The following IQGAP2 variants were observed in gnomAD, a reference collection of about 807,000 sequenced individuals.
IQGAP2 encodes the protein ras GTPase-activating-like protein IQGAP2.
Under a neutral mutation model 201.3 loss-of-function variants are expected in IQGAP2, and 173 were observed. The observed-to-expected ratio is 0.86, with a 90% CI of 0.76 to 0.98. The LOEUF (loss-of-function observed/expected upper bound fraction) is 0.98, where lower values mean the gene tolerates loss of function less well. IQGAP2 is among the 50% of genes least tolerant of loss of function. The pLI is 0.00. For synonymous variants in IQGAP2, 675 were observed against 673.9 expected (o/e 1.00, Z -0.03); for missense variants, 1,687 against 1,864.8 (o/e 0.90, Z 1.76).
At position 76,677,429 on chromosome 5, in the gene IQGAP2, C is replaced by T. The variant is rs1260350220; in HGVS notation, c.3660+79C>T. ...TTATCTTGAAAATGCTTAATCTCTA[C>T]AGGACTTATTGTACACATGTGCTAA... On this transcript the variant is annotated intron_variant, in intron 28 of 35. Coordinates refer to ENST00000274364, the MANE Select transcript of IQGAP2 (RefSeq NM_006633.5). The T allele has an allele frequency of 4.4e-6, 6 of 1,372,910 alleles. No homozygotes were observed. In the Admixed American group the frequency reaches 9.7e-5, roughly 22 times the overall value. 85.0% of individuals were successfully genotyped at this position (1,372,910 alleles called of 1,614,324 possible). A position where few individuals can be genotyped will look rare whatever the true frequency, so the allele number is the denominator to read the frequency against.
rs1277944586 is a variant in IQGAP2 at position 76,597,553 on chromosome 5, C to T, written c.1022C>T (p.Ala341Val). ...CTGCCTGCTGTTTATCCCTTTGCTGCTGCCATGTATCAGAACGAACTTTTC... is the reference window on the plus strand; with the variant it reads ...CTGCCTGCTGTTTATCCCTTTGCTGTTGCCATGTATCAGAACGAACTTTTC... ...AQLPAVYPFA[A>V]AMYQNELFNL... Residue 341 changes from alanine (A) to valine (V), a missense_variant, in exon 10 of 36, where the codon GCT becomes GTT. Ala to Val is a moderately conservative substitution (Grantham distance 64, BLOSUM62 0). Transcript: ENST00000274364. 8.1e-6 allele frequency: 13 copies of T among 1,613,824 alleles called. No homozygotes were observed. The highest frequency in any genetic ancestry group is 1.1e-5 in the Non-Finnish European group (13 of 1,179,970).
At chr5:76,636,137 C>G (rs1469250202) in intron 15 of IQGAP2, among the ~76,000 whole-genome samples, 1 of 152,194 alleles carries the variant, frequency 6.6e-6, no homozygotes, top group Admixed American at 6.5e-5. Flanking sequence ...TTTCAATATT[C>G]TGTGAAAAAA....
intron 13 of IQGAP2, chr5:76,617,569 T>G: frequency 6.3e-7 from 1 of 1,591,608 alleles, no homozygotes; most frequent in Non-Finnish European, 8.6e-7. Context: ...CCTTGTTCTC[T>G]AAGATCATTT....
chr5:76,608,400 G>C (rs1237281691), intron 12 of IQGAP2, among the ~76,000 whole-genome samples: 5 of 152,118 alleles, frequency 3.3e-5, no homozygotes, highest in African/African-American at 1.2e-4. Context: ...TCTTTTGTCA[G>C]AATGAGTTCC....
chr5:76,589,298 C>G (rs1440188780), intron 6 of IQGAP2, among the ~76,000 whole-genome samples: 1 of 131,728 alleles, frequency 7.6e-6, no homozygotes, highest in Admixed American at 8.4e-5. Context: ...GACGACAGAG[C>G]GAGACTCTGC....
chr5:76,403,495 G>C lies in IQGAP2; in HGVS notation c.-51G>C, dbSNP rs1394306888. The C allele has an allele frequency of 7.2e-7, 1 of 1,397,836 alleles. No individual in the cohort carries two copies. Among genetic ancestry groups the C allele is most frequent in the African/African-American group, 1.5e-5 (1 of 65,272 alleles). The allele number at this position is 1,397,836 out of a possible 1,614,324, so 86.6% of individuals were successfully genotyped here. A position where few individuals can be genotyped will look rare whatever the true frequency, so the allele number is the denominator to read the frequency against. Reference sequence around the variant, plus strand: ...CGCAGAGCCCGCGAGCCTGGCCAGCGAGGGTAGCCGCGGGGGGCGCGCCCC... The same window carrying C: ...CGCAGAGCCCGCGAGCCTGGCCAGCCAGGGTAGCCGCGGGGGGCGCGCCCC... On this transcript the variant is annotated 5_prime_UTR_variant, in exon 1 of 36. Transcript: ENST00000274364. The surrounding 1 kb of genome is among the most constrained non-coding windows in gnomAD (Gnocchi z 4.8).
intron 8 of IQGAP2, among the ~76,000 whole-genome samples, chr5:76,591,955 C>A (rs943627900): frequency 1.2e-4 from 18 of 152,184 alleles, no homozygotes; most frequent in Admixed American, 1.2e-3. Context: ...GTGTCCCATG[C>A]ATTGCTAGAT....
chr5:76,609,266 A>G, intron 12 of IQGAP2: 3 of 1,533,108 alleles, frequency 2.0e-6, no homozygotes, highest in South Asian at 1.2e-5. Context: ...GGGTGACCAG[A>G]GAATGGCACT....
chr5:76,686,858 G>C (rs980076238), intron 30 of IQGAP2, among the ~76,000 whole-genome samples: 1 of 152,146 alleles, frequency 6.6e-6, no homozygotes, highest in Non-Finnish European at 1.5e-5. Flanking sequence ...AGCACTATTA[G>C]TTAAACAGAC....
chr5:76,427,780 C>G (rs758278920), intron 1 of IQGAP2, among the ~76,000 whole-genome samples: 16 of 152,174 alleles, frequency 1.1e-4, no homozygotes, highest in Non-Finnish European at 5.9e-5. Context: ...CTGCTACGGA[C>G]CAGTTCTTGA....
At chr5:76,608,030 G>C (rs189050114) in intron 12 of IQGAP2, 5 of 152,348 alleles carry the variant, frequency 3.3e-5, no homozygotes, top group African/African-American at 1.2e-4. Flanking sequence ...TTAACAGGGG[G>C]AAAATGCCAG....
chr5:76,586,170 A>G (rs139794471), intron 5 of IQGAP2, among the ~76,000 whole-genome samples: 1,554 of 152,302 alleles, frequency 0.01, 13 homozygotes, highest in Admixed American at 0.02. Flanking sequence ...GATAATGTCT[A>G]AAGACCTAGA....
At position 76,514,316 on chromosome 5, in the gene IQGAP2, A is replaced by G. The variant is rs1758172046; in HGVS notation, c.147-48080A>G. 3.9e-5 allele frequency among the ~76,000 whole-genome samples: 6 copies of G among 152,072 alleles called. No homozygotes were observed. The South Asian group carries it at 1.2e-3, about 32-fold the overall frequency. ...TAGGATTACAGGCAGGATTCCCTTC[A>G]TTTTTAAAATTACTGACCCCAGGCC... is the stretch of plus-strand genomic sequence containing the variant. On this transcript the variant is annotated intron_variant, in intron 2 of 35. Transcript: ENST00000274364.
chr5:76,640,690 A>G (rs977086973), intron 16 of IQGAP2, among the ~76,000 whole-genome samples: 1 of 152,128 alleles, frequency 6.6e-6, no homozygotes, highest in Non-Finnish European at 1.5e-5. Context: ...TCTGCCTCCA[A>G]ATCCTGAGAT....
chr5:76,429,600 ATATTTATATATATACATATATAAATT>A (rs1247726592), intron 1 of IQGAP2, among the ~76,000 whole-genome samples: 3 of 138,200 alleles, frequency 2.2e-5, no homozygotes, highest in East Asian at 3.9e-4. Flanking sequence ...ATATATATGT[ATATTTATATATATACATATATAAATT>A]TATATATATA....
intron 10 of IQGAP2, 48 bp from the exon 11 acceptor site, chr5:76,600,764 T>C: frequency 3.8e-6 from 6 of 1,599,408 alleles, no homozygotes; most frequent in Non-Finnish European, 5.1e-6. Context: ...ATCATGCACA[T>C]GAGGTGTGTT....
intron 2 of IQGAP2, among the ~76,000 whole-genome samples, chr5:76,516,756 A>G (rs1370416863): frequency 1.3e-5 from 2 of 152,244 alleles, no homozygotes; most frequent in African/African-American, 2.4e-5. Flanking sequence ...TGGATCTTTG[A>G]AAATTTACAC....
At chr5:76,428,397 C>A (rs1274382074) in intron 1 of IQGAP2, among the ~76,000 whole-genome samples, 2 of 151,746 alleles carry the variant, frequency 1.3e-5, no homozygotes, top group South Asian at 2.1e-4. Flanking sequence ...GCCCAGGAAC[C>A]CACTGTTCTG....
intron 30 of IQGAP2, among the ~76,000 whole-genome samples, chr5:76,686,452 G>C (rs1313736548): frequency 6.6e-6 from 1 of 151,740 alleles, no homozygotes; most frequent in African/African-American, 2.4e-5. Flanking sequence ...CCCTTTTTGA[G>C]TTCATTTTTG....
Sources: allele counts gnomAD v4.1 joint callset (sites outside exome capture counted in the v4.1 genomes callset), GRCh38; gene constraint gnomAD v4.1.1; non-coding constraint Gnocchi (gnomAD v3.1); transcripts MANE v1.5; gene names NCBI Gene and HGNC (gene_info 2026-07-23, HGNC 2026-07-21).